The following ZFAT variants were observed in gnomAD, a reference collection of about 807,000 sequenced individuals.
The protein encoded by ZFAT is zinc finger and AT-hook domain containing.
Under a neutral mutation model 117.7 loss-of-function variants are expected in ZFAT, and 64 were observed. The ratio of observed to expected loss-of-function variants is 0.54; its 90% CI spans 0.44 to 0.67. ZFAT has a LOEUF of 0.67. ZFAT is among the 30% of genes least tolerant of loss of function. The pLI is 0.00. For missense variants in ZFAT, 1,433 were observed against 1,584.5 expected, an observed-to-expected ratio of 0.90 and a Z score of 1.62; for synonymous variants, 679 against 615.0, an observed-to-expected ratio of 1.10 and a Z score of -1.54.
At chr8:134,804,837 G>C in the ZFAT span, 2 of 529,960 alleles carry the variant, frequency 3.8e-6, no homozygotes, top group African/African-American at 1.9e-5. Flanking sequence ...ACTCCACTCC[G>C]GGACAGAATT....
chr8:134,716,908 T>C (rs1814215974), upstream of ZFAT, among the ~76,000 whole-genome samples: 1 of 152,144 alleles, frequency 6.6e-6, no homozygotes, highest in African/African-American at 2.4e-5. Context: ...GTTTATGAAA[T>C]GGTATATTTG....
At chr8:134,570,243 C>G (rs2130793475) in intron 10 of ZFAT, among the ~76,000 whole-genome samples, 1 of 152,310 alleles carries the variant, frequency 6.6e-6, no homozygotes, top group East Asian at 1.9e-4. Context: ...TCAGACCATT[C>G]TGTTTAAAAT....
chr8:134,677,415 C>T (rs200115087), intron 1 of ZFAT, among the ~76,000 whole-genome samples: 1 of 152,070 alleles, frequency 6.6e-6, no homozygotes, highest in African/African-American at 2.4e-5. Flanking sequence ...TCCCTGAATA[C>T]ACCAATAACA....
chr8:134,823,362 A>G, the ZFAT span, among the ~76,000 whole-genome samples: 1 of 152,218 alleles, frequency 6.6e-6, no homozygotes. Context: ...CACAATAAAT[A>G]TTGATTTAAG....
intron 15 of ZFAT, among the ~76,000 whole-genome samples, chr8:134,497,623 C>T (rs1259360197): frequency 2.3e-5 from 1 of 43,188 alleles, no homozygotes; most frequent in Non-Finnish European, 4.3e-5. Context: ...GGGGTGGAGC[C>T]GTGATGCCCC....
chr8:134,749,168 C>T, the ZFAT span, among the ~76,000 whole-genome samples: 854 of 152,072 alleles, frequency 5.6e-3, 9 homozygotes, highest in African/African-American at 0.02. Flanking sequence ...TACAACTTTT[C>T]CTTTGTGTTT....
chr8:134,635,608 A>C (rs1280287610), intron 3 of ZFAT, among the ~76,000 whole-genome samples: 2 of 150,782 alleles, frequency 1.3e-5, no homozygotes, highest in East Asian at 4.0e-4. Context: ...TGTGAGACAG[A>C]AAGAGAGACA....
upstream of ZFAT, chr8:134,713,111 G>T: frequency 5.0e-6 from 2 of 402,446 alleles, no homozygotes; most frequent in Non-Finnish European, 8.7e-6. Flanking sequence ...CCCCGGCGCC[G>T]AGCGCGGCCC....
At chr8:134,782,566 T>A in the ZFAT span, among the ~76,000 whole-genome samples, 1 of 152,182 alleles carries the variant, frequency 6.6e-6, no homozygotes, top group African/African-American at 2.4e-5. Context: ...CCCTGAGATA[T>A]GAACCCGGTG....
chr8:134,749,026 C>T, the ZFAT span, among the ~76,000 whole-genome samples: 5 of 151,978 alleles, frequency 3.3e-5, no homozygotes, highest in African/African-American at 7.3e-5. Flanking sequence ...GCTCATTTCT[C>T]GGGGCAAATG....
At chr8:134,795,487 G>A in the ZFAT span, 13 of 152,212 alleles carry the variant, frequency 8.5e-5, no homozygotes, top group Admixed American at 4.6e-4. Context: ...ATGCATGTGT[G>A]TGCACAGGAG....
Position 134,601,847 on chromosome 8 carries a change from G to T in ZFAT, c.1872C>A (p.Val624=). Residue 624 remains valine (V), a synonymous_variant, in exon 6 of 16, where the codon GTC becomes GTA. Transcript: ENST00000377838. ...GTGTGATCACTTCACCTTGCGTCTG[G>T]ACTGAGCTTCTGTGCTGCATGTCTG... ...KPPDMQHRSS[V]QTQGEVITLL... 1 of 1,612,758 alleles carries T rather than the reference G, an allele frequency of 6.2e-7. No individual in the cohort carries two copies. The highest frequency in any genetic ancestry group is 8.5e-7 in the Non-Finnish European group (1 of 1,179,112).
In ZFAT at chr8:134,572,577, CTCT is replaced by C. The variant is rs777808469; in HGVS notation, c.2888-7159_2888-7157del. On this transcript the variant is annotated intron_variant, in intron 10 of 15. Coordinates refer to ENST00000377838, the MANE Select transcript of ZFAT (RefSeq NM_020863.4). ...TCTTTCTGACCAAGCATCTTTCTCCCTCTTCTTCACAAAAAAGAGCCAGTGGCC... is the reference window on the plus strand; with the variant it reads ...TCTTTCTGACCAAGCATCTTTCTCCCTCTTCACAAAAAAGAGCCAGTGGCC... Among the ~76,000 whole-genome samples the C allele has an allele frequency of 2.3e-4, 35 of 152,322 alleles. 1 individual carries two copies. In the East Asian group the frequency reaches 2.5e-3, roughly 11 times the overall value.
At chr8:134,756,122 C>A in the ZFAT span, among the ~76,000 whole-genome samples, 9 of 152,342 alleles carry the variant, frequency 5.9e-5, no homozygotes, top group Admixed American at 2.6e-4. Context: ...CAGAGATAAG[C>A]AGCTTTCTCT....
chr8:134,536,113 G>A (rs546966307), intron 11 of ZFAT, among the ~76,000 whole-genome samples: 3 of 152,150 alleles, frequency 2.0e-5, no homozygotes, highest in African/African-American at 4.8e-5. Context: ...AATTGCTAAC[G>A]AGAAGAAAAG....
At chr8:134,625,500 C>T (rs766127925) in intron 3 of ZFAT, among the ~76,000 whole-genome samples, 18 of 152,236 alleles carry the variant, frequency 1.2e-4, no homozygotes, top group Non-Finnish European at 2.1e-4. Context: ...AGCAAGTGGT[C>T]CTGCCCTGCT....
chr8:134,623,183 G>A (rs1229369072), intron 3 of ZFAT, among the ~76,000 whole-genome samples: 1 of 152,028 alleles, frequency 6.6e-6, no homozygotes, highest in Non-Finnish European at 1.5e-5. Context: ...CAGCAACGAG[G>A]CACACCCCCA....
intron 15 of ZFAT, among the ~76,000 whole-genome samples, chr8:134,508,700 GA>G (rs1819596115): frequency 1.3e-5 from 2 of 152,022 alleles, no homozygotes; most frequent in Admixed American, 1.3e-4. Flanking sequence ...TTCCCCACTG[GA>G]AAATAACCAC....
chr8:134,606,881 A>G (rs1827929539), intron 5 of ZFAT, among the ~76,000 whole-genome samples: 1 of 152,176 alleles, frequency 6.6e-6, no homozygotes, highest in Non-Finnish European at 1.5e-5. Context: ...AAGATCATAA[A>G]TGACTTTTTT....
Sources: allele counts gnomAD v4.1 joint callset (sites outside exome capture counted in the v4.1 genomes callset), GRCh38; gene constraint gnomAD v4.1.1; transcripts MANE v1.5; gene names NCBI Gene and HGNC (gene_info 2026-07-23, HGNC 2026-07-21).